The following NEIL3 variants were observed in gnomAD, a reference collection of about 807,000 sequenced individuals.
NEIL3 encodes nei like DNA glycosylase 3, also known as endonuclease 8-like 3.
NEIL3 carries 48 observed loss-of-function variants against 57.5 expected under a neutral mutation model. The observed-to-expected ratio is 0.83, with a 90% confidence interval of 0.66 to 1.06. The LOEUF is 1.06. Ranked by LOEUF, NEIL3 falls within the 50% of genes least tolerant of loss-of-function variation. The probability of loss-of-function intolerance (pLI) is 0.00; values close to 1 mark genes in which losing one functional copy is unlikely to be tolerated. For missense variants in NEIL3, 717 were observed against 739.1 expected (o/e 0.97, Z 0.35); for synonymous variants, 261 against 253.2 (o/e 1.03, Z -0.29).
intron 6 of NEIL3, among the ~76,000 whole-genome samples, chr4:177,350,276 A>AT (rs1735323204): frequency 6.6e-6 from 1 of 152,230 alleles, no homozygotes; most frequent in Middle Eastern, 3.2e-3. Context: ...GTTTGGGATC[A>AT]TGAAGGGAAT....
intron 1 of NEIL3, among the ~76,000 whole-genome samples, chr4:177,322,108 G>A (rs1201682431): frequency 6.6e-6 from 1 of 152,192 alleles, no homozygotes; most frequent in African/African-American, 2.4e-5. Flanking sequence ...TTCTGGAAAT[G>A]GAAGAACCTA....
intron 2 of NEIL3, 73 bp downstream of exon 2, chr4:177,322,653 C>G: frequency 6.3e-7 from 1 of 1,576,378 alleles, no homozygotes; most frequent in Non-Finnish European, 8.7e-7. Flanking sequence ...TGGAGTTTGC[C>G]GGGTGTCACA....
Position 177,335,950 on chromosome 4 carries a change from C to A in NEIL3, c.413+128C>A, listed in dbSNP as rs1401481236. 15 of 1,058,106 alleles carry A rather than the reference C, an allele frequency of 1.4e-5. No homozygotes were observed. The East Asian group carries it at 3.3e-4, about 24-fold the overall frequency. The allele number at this position is 1,058,106 out of a possible 1,614,324, so 65.5% of individuals were successfully genotyped here. ...TTGATGAAACCTCATTTTAAAGAAG[C>A]CTTCAGATAATATAATTTGTAAGGT... On this transcript the variant is annotated intron_variant, in intron 3 of 9. Transcript: ENST00000264596.
chr4:177,317,137 C>T (rs1009374421), intron 1 of NEIL3, among the ~76,000 whole-genome samples: 3 of 152,206 alleles, frequency 2.0e-5, no homozygotes, highest in Admixed American at 6.5e-5. Flanking sequence ...ACTTGCTCTT[C>T]TGTCAACATG....
intron 2 of NEIL3, among the ~76,000 whole-genome samples, chr4:177,324,613 A>G (rs942831932): frequency 6.6e-6 from 1 of 152,166 alleles, no homozygotes; most frequent in African/African-American, 2.4e-5. Flanking sequence ...TAGGAGCACT[A>G]TTGTGTTATG....
intron 2 of NEIL3, among the ~76,000 whole-genome samples, chr4:177,334,675 T>C (rs1441715654): frequency 6.6e-6 from 1 of 152,176 alleles, no homozygotes; most frequent in Non-Finnish European, 1.5e-5. Context: ...TTATGATTGA[T>C]AGTAGGGCAC....
At chr4:177,350,996 C>A (rs576800267) in intron 6 of NEIL3, among the ~76,000 whole-genome samples, 1 of 150,964 alleles carries the variant, frequency 6.6e-6, no homozygotes, top group South Asian at 2.1e-4. Context: ...TTACTTGAGG[C>A]CAGGAGTTCA....
intron 1 of NEIL3, among the ~76,000 whole-genome samples, chr4:177,320,446 G>C (rs1578987723): frequency 1.4e-5 from 2 of 140,266 alleles, no homozygotes; most frequent in Admixed American, 7.2e-5. Context: ...GATTTGTGCA[G>C]AACAGGAAGT....
At chr4:177,370,914 A>G in the NEIL3 span, among the ~76,000 whole-genome samples, 1 of 152,066 alleles carries the variant, frequency 6.6e-6, no homozygotes, top group African/African-American at 2.4e-5. Context: ...AGAAAAAATA[A>G]GTGATGAAGA....
downstream of NEIL3, among the ~76,000 whole-genome samples, chr4:177,367,815 T>G (rs1434308147): frequency 6.6e-6 from 1 of 152,220 alleles, no homozygotes. Context: ...AGCCACTGTT[T>G]ATTGAACCTT....
chr4:177,355,535 G>C (rs553554676), intron 8 of NEIL3, among the ~76,000 whole-genome samples: 1 of 151,580 alleles, frequency 6.6e-6, no homozygotes. Flanking sequence ...AAATATTTTC[G>C]ATCCAAGGTT....
rs1735404427 is a variant in NEIL3 at position 177,353,469 on chromosome 4, A to G, written c.1201A>G (p.Thr401Ala). The change falls in exon 8 of 10, where the codon ACT becomes GCT. Residue 401 changes from threonine (T) to alanine (A), a missense_variant. Coordinates refer to ENST00000264596, the MANE Select transcript of NEIL3 (RefSeq NM_018248.3). Reference protein sequence around the residue: ...VLTDFSNKSSTLERKTKQNQI... With the variant: ...VLTDFSNKSSALERKTKQNQI... Reference sequence around the variant, plus strand: ...GACTGATTTTAGCAATAAATCCAGTACTTTGGAAAGAAAAACAAAGCAAAA... The same window carrying G: ...GACTGATTTTAGCAATAAATCCAGTGCTTTGGAAAGAAAAACAAAGCAAAA... 6.2e-7 allele frequency: 1 copy of G among 1,613,990 alleles called. No homozygotes were observed. Among genetic ancestry groups the G allele is most frequent in the Non-Finnish European group, 8.5e-7 (1 of 1,179,994 alleles).
At chr4:177,334,346 T>C (rs1734936340) in intron 2 of NEIL3, among the ~76,000 whole-genome samples, 1 of 152,198 alleles carries the variant, frequency 6.6e-6, no homozygotes, top group African/African-American at 2.4e-5. Flanking sequence ...AAAAACATTT[T>C]ATGCACTTTT....
chr4:177,328,814 TA>T (rs893224039), intron 2 of NEIL3, among the ~76,000 whole-genome samples: 1 of 152,148 alleles, frequency 6.6e-6, no homozygotes, highest in African/African-American at 2.4e-5. Context: ...GCAAGCATAA[TA>T]ACAATTTATT....
At chr4:177,336,012 T>G in intron 3 of NEIL3, 96 bp from the exon 4 acceptor site, 1 of 1,103,114 alleles carries the variant, frequency 9.1e-7, no homozygotes, top group Non-Finnish European at 1.3e-6. Flanking sequence ...ATACCCTGAT[T>G]AACATAAAGT....
rs540984684 is a variant in NEIL3, at chr4:177,345,878, A to G, written c.869+4236A>G. On this transcript the variant is annotated intron_variant, in intron 6 of 9. Coordinates refer to ENST00000264596, the MANE Select transcript of NEIL3 (RefSeq NM_018248.3). ...CTAATTTTTTGTATTTTCAGTAGAG[A>G]TGGGGTTTCACTATGTTGGCCAGGC... Among the ~76,000 whole-genome samples the G allele has an allele frequency of 2.7e-4, 41 of 150,654 alleles. 1 individual carries two copies. In the South Asian group the frequency reaches 8.6e-3, roughly 32 times the overall value.
chr4:177,346,231 A>G (rs542186733), intron 6 of NEIL3, among the ~76,000 whole-genome samples: 2 of 152,158 alleles, frequency 1.3e-5, no homozygotes, highest in Non-Finnish European at 2.9e-5. Context: ...CAGTGGAGTG[A>G]TTATAGCTCA....
chr4:177,339,832 G>C lies in NEIL3; in HGVS notation c.677G>C (p.Arg226Pro), dbSNP rs761209056. ...EQIHHLMKMI[R>P]DFSILFYRCR... is the part of the protein sequence containing the mutation. Reference sequence around the variant, plus strand: ...ATCCATCACCTCATGAAAATGATACGTGATTTCAGCATTCTCTTTTACAGG... The same window carrying C: ...ATCCATCACCTCATGAAAATGATACCTGATTTCAGCATTCTCTTTTACAGG... Residue 226 changes from arginine to proline, a missense_variant, in exon 5 of 10, where the codon CGT becomes CCT. Transcript: ENST00000264596. The C allele has an allele frequency of 6.2e-7, 1 of 1,613,410 alleles. No individual in the cohort carries two copies.
At chr4:177,313,946 A>G (rs745570389) in intron 1 of NEIL3, among the ~76,000 whole-genome samples, 6 of 152,172 alleles carry the variant, frequency 3.9e-5, no homozygotes, top group Non-Finnish European at 5.9e-5. Context: ...TTATATGGAA[A>G]TTCCTACTAC....
Sources: gnomAD v4.1 joint callset for allele counts (sites outside exome capture counted in the v4.1 genomes callset) on GRCh38, gnomAD v4.1.1 for gene constraint, MANE v1.5 for transcripts, NCBI Gene and HGNC (gene_info 2026-07-23, HGNC 2026-07-21) for gene names.